The following NLRP1 variants were observed in gnomAD, a reference collection of about 807,000 sequenced individuals.
The protein encoded by NLRP1 is NACHT, LRR and PYD domains-containing protein 1.
A neutral mutation model predicts 136.7 loss-of-function variants in NLRP1; 94 were observed. The observed-to-expected ratio is 0.69, with a 90% CI of 0.58 to 0.82. NLRP1 has a LOEUF of 0.82. Among genes scored for constraint, NLRP1 ranks in the 40% least tolerant of loss-of-function variants. The pLI is 0.00. For synonymous variants in NLRP1, 690 were observed against 725.1 expected (o/e 0.95, Z 0.78); for missense variants, 1,575 against 1,802.7 (o/e 0.87, Z 2.29).
intron 3 of NLRP1, among the ~76,000 whole-genome samples, chr17:5,567,499 A>G (rs1915461763): frequency 6.6e-6 from 1 of 152,046 alleles, no homozygotes; most frequent in African/African-American, 2.4e-5. Flanking sequence ...TGTTGTTTCT[A>G]TTTATATATT....
At chr17:5,518,932 A>G (rs892326429) in intron 14 of NLRP1, among the ~76,000 whole-genome samples, 28 of 145,400 alleles carry the variant, frequency 1.9e-4, no homozygotes, top group African/African-American at 5.7e-4. Flanking sequence ...TCCACCTCCC[A>G]GGTTCAAGCA....
chr17:5,508,498 C>T (rs1006173788), intron 15 of NLRP1, among the ~76,000 whole-genome samples: 1 of 94,862 alleles, frequency 1.1e-5, no homozygotes, highest in African/African-American at 7.4e-5. Flanking sequence ...TATTTATGCC[C>T]TTTGATACTA....
chr17:5,529,648 G>C (rs994231727), intron 12 of NLRP1, among the ~76,000 whole-genome samples: 1 of 152,118 alleles, frequency 6.6e-6, no homozygotes, highest in Non-Finnish European at 1.5e-5. Context: ...TCACAGGCGT[G>C]AGCCACTGCG....
chr17:5,553,464 C>A lies in NLRP1; in HGVS notation c.2450G>T (p.Gly817Val). 6.2e-7 allele frequency: 1 copy of A among 1,614,158 alleles called. No individual in the cohort carries two copies. The highest frequency in any genetic ancestry group is 8.5e-7 in the Non-Finnish European group (1 of 1,180,026). ...CACTGCAGAGTGGCTCAGCGAGTTT[C>A]CACTTAGGTCCAGCTCCTTCAGGTT... ...TRNLKELDLS[G>V]NSLSHSAVKS... The change falls in exon 5 of 17, where the codon GGA (glycine) becomes GTA (valine). Residue 817 changes from glycine (G) to valine (V), a missense_variant. Coordinates refer to ENST00000572272, the MANE Select transcript of NLRP1 (RefSeq NM_033004.4).
Position 5,501,767 on chromosome 17 carries a change from A to C in NLRP1, c.*47T>G, listed in dbSNP as rs902546619. ...GTCTACTCAGGCCTCCTTGTCATCC[A>C]CCAAGCCCTCTCTGGCTTCATTGGT... On this transcript the variant is annotated 3_prime_UTR_variant, in exon 16 of 16. Coordinates refer to the NLRP1 transcript ENST00000262467. The C allele has an allele frequency of 5.8e-6, 9 of 1,548,742 alleles. No homozygotes were observed. The Admixed American group carries it at 1.3e-4, about 23-fold the overall frequency.
At chr17:5,580,133 G>C (rs1434531388) in intron 3 of NLRP1, among the ~76,000 whole-genome samples, 1 of 152,102 alleles carries the variant, frequency 6.6e-6, no homozygotes, top group Non-Finnish European at 1.5e-5. Context: ...GACTCGGGAG[G>C]CTGAGGCAGG....
intron 5 of NLRP1, among the ~76,000 whole-genome samples, chr17:5,543,980 T>TG (rs886615856): frequency 2.6e-5 from 4 of 152,046 alleles, no homozygotes; most frequent in Non-Finnish European, 5.9e-5. Flanking sequence ...CCTTCTAGAT[T>TG]GGGGGGGTTA....
intron 15 of NLRP1, among the ~76,000 whole-genome samples, chr17:5,508,362 G>A (rs1907462797): frequency 6.6e-6 from 1 of 152,136 alleles, no homozygotes. Flanking sequence ...TGTTGCCTAG[G>A]CTGGCCTTGA....
chr17:5,568,137 ACTTCTACTCCTATTT>A (rs71370074), intron 3 of NLRP1, among the ~76,000 whole-genome samples: 43,491 of 151,912 alleles, frequency 0.29, 7,939 homozygotes, highest in Non-Finnish European at 0.4. Flanking sequence ...TTTGAATAAA[ACTTCTACTCCTATTT>A]CTTTCACTAC....
intron 5 of NLRP1, among the ~76,000 whole-genome samples, chr17:5,543,997 T>A (rs948857689): frequency 6.6e-6 from 1 of 152,196 alleles, no homozygotes; most frequent in African/African-American, 2.4e-5. Flanking sequence ...GTTAATGCTC[T>A]GTGGTGGCCA....
chr17:5,520,107 T>G (rs531795833), intron 14 of NLRP1, among the ~76,000 whole-genome samples: 1 of 151,972 alleles, frequency 6.6e-6, no homozygotes, highest in South Asian at 2.1e-4. Flanking sequence ...TCTGCCCACC[T>G]CGGTACCCAA....
intron 7 of NLRP1, among the ~76,000 whole-genome samples, chr17:5,538,473 G>A (rs1162913634): frequency 2.0e-5 from 3 of 152,086 alleles, no homozygotes; most frequent in South Asian, 2.1e-4. Flanking sequence ...TCAGCCTGAC[G>A]TCACTGTCTC....
exon 16 of NLRP1, chr17:5,501,522 G>C (rs1341281552): frequency 3.4e-6 from 1 of 292,316 alleles, no homozygotes; most frequent in African/African-American, 2.1e-5. Context: ...CAATCCCAAG[G>C]TCCAGAGATA....
At chr17:5,527,756 T>C (rs1567637348) in intron 12 of NLRP1, among the ~76,000 whole-genome samples, 1 of 152,240 alleles carries the variant, frequency 6.6e-6, no homozygotes, top group Non-Finnish European at 1.5e-5. Context: ...GCACAGTGAA[T>C]TCATTCCTAT....
chr17:5,511,874 C>CT (rs879275054), downstream of NLRP1, among the ~76,000 whole-genome samples: 66,019 of 149,472 alleles, frequency 0.44, 15,234 homozygotes, highest in East Asian at 0.88. Context: ...CTTTCTCTCT[C>CT]TTCTTTCTTC....
At chr17:5,543,028 C>T (rs1912082156) in intron 5 of NLRP1, among the ~76,000 whole-genome samples, 1 of 152,152 alleles carries the variant, frequency 6.6e-6, no homozygotes, top group Non-Finnish European at 1.5e-5. Flanking sequence ...CGGGGTTTCG[C>T]CATGTTGGCC....
rs1011779844 is a variant in NLRP1, at chr17:5,501,679, T to G, written c.*135A>C. On this transcript the variant is annotated 3_prime_UTR_variant, in exon 16 of 16. Transcript: ENST00000262467. ...TCCAGCCTTTTGAGCATCTCGCATATGATTAAGAACAAATCCTTCAAAGAC... is the reference window on the plus strand; with the variant it reads ...TCCAGCCTTTTGAGCATCTCGCATAGGATTAAGAACAAATCCTTCAAAGAC... 1.5e-5 allele frequency: 10 copies of G among 662,366 alleles called. No homozygotes were observed. In the Admixed American group the frequency reaches 2.3e-4, roughly 15 times the overall value. The allele number at this position is 662,366 out of a possible 1,614,324, so 41.0% of individuals were successfully genotyped here. A position where few individuals can be genotyped will look rare whatever the true frequency, so the allele number is the denominator to read the frequency against.
At chr17:5,531,968 C>A (rs1235577586) in intron 11 of NLRP1, among the ~76,000 whole-genome samples, 2 of 152,146 alleles carry the variant, frequency 1.3e-5, no homozygotes, top group African/African-American at 2.4e-5. Flanking sequence ...ACTGGCCAGG[C>A]GCGGTGGCTC....
At chr17:5,553,711 C>G (rs1198152287) in intron 4 of NLRP1, among the ~76,000 whole-genome samples, 155 bp from the exon 5 acceptor site, 1 of 98,202 alleles carries the variant, frequency 1.0e-5, no homozygotes, top group Non-Finnish European at 2.2e-5. Context: ...CCCTGCCTGT[C>G]TGCCCGTCAC....
Sources: allele counts gnomAD v4.1 joint callset (sites outside exome capture counted in the v4.1 genomes callset), GRCh38; gene constraint gnomAD v4.1.1; transcripts MANE v1.5; gene names NCBI Gene and HGNC (gene_info 2026-07-23, HGNC 2026-07-21).